UBE2E2: variants seen among roughly 807,000 people sequenced by gnomAD.
UBE2E2 encodes ubiquitin conjugating enzyme E2 E2.
Under a neutral mutation model 24.7 loss-of-function variants are expected in UBE2E2, and 6 were observed. The ratio of observed to expected loss-of-function variants is 0.24; its 90% CI spans 0.13 to 0.48. UBE2E2 has a LOEUF of 0.48. Among genes scored for constraint, UBE2E2 ranks in the 20% least tolerant of loss-of-function variants. The probability of loss-of-function intolerance (pLI) is 0.99; values close to 1 mark genes in which losing one functional copy is unlikely to be tolerated. For missense variants in UBE2E2, 169 were observed against 245.0 expected, an observed-to-expected ratio of 0.69 and a Z score of 2.07; for synonymous variants, 104 against 83.6, an observed-to-expected ratio of 1.24 and a Z score of -1.33.
chr3:23,356,708 T>C (rs1165774247), intron 3 of UBE2E2, among the ~76,000 whole-genome samples: 1 of 152,186 alleles, frequency 6.6e-6, no homozygotes, highest in Non-Finnish European at 1.5e-5. Context: ...CAATTCCAAG[T>C]AGTTTTAGGT....
intron 3 of UBE2E2, among the ~76,000 whole-genome samples, chr3:23,262,803 C>G (rs902422225): frequency 2.0e-5 from 3 of 151,944 alleles, no homozygotes; most frequent in African/African-American, 7.3e-5. Context: ...GTTGCACATG[C>G]TTTTGGTGTC....
intron 3 of UBE2E2, chr3:23,323,583 C>CT (rs1317479826): frequency 4.4e-6 from 2 of 449,880 alleles, no homozygotes; most frequent in Non-Finnish European, 8.9e-6. Context: ...TGGATGCCCA[C>CT]TAGGTAGGTA....
chr3:23,577,778 A>G (rs1277086035), intron 5 of UBE2E2, among the ~76,000 whole-genome samples: 4 of 152,212 alleles, frequency 2.6e-5, no homozygotes, highest in Admixed American at 6.5e-5. Context: ...GCCTGGCTAC[A>G]CAGCTTTAAA....
rs1048307892 is a variant in UBE2E2 at position 23,323,465 on chromosome 3, C to T, written c.227+106153C>T. 4.0e-5 allele frequency: 17 copies of T among 421,682 alleles called. 2 individuals carry two copies. The highest frequency in any genetic ancestry group is 7.9e-5 in the Admixed American group (3 of 38,098). 26.1% of individuals were successfully genotyped at this position (421,682 alleles called of 1,614,324 possible). ...TCAGGTGTAAGTAATACGGGGTGAG[C>T]ATCCCAAATTCGAAAATTCAAAACA... On this transcript the variant is annotated intron_variant, in intron 3 of 5. Transcript: ENST00000396703.
chr3:23,513,049 A>G (rs1054424984), intron 4 of UBE2E2, among the ~76,000 whole-genome samples: 2 of 152,206 alleles, frequency 1.3e-5, no homozygotes, highest in Non-Finnish European at 2.9e-5. Flanking sequence ...TTTAAACTCT[A>G]TCTCTGTGGA....
At chr3:23,458,906 G>A (rs985224041) in intron 3 of UBE2E2, among the ~76,000 whole-genome samples, 8 of 152,088 alleles carry the variant, frequency 5.3e-5, no homozygotes, top group Non-Finnish European at 1.0e-4. Flanking sequence ...AAGAAGCACC[G>A]TAAAACAAAG....
Position 23,288,698 on chromosome 3 carries a change from T to A in UBE2E2, c.227+71386T>A, listed in dbSNP as rs558892043. Among the ~76,000 whole-genome samples, 544 of 152,320 alleles carry A rather than the reference T, an allele frequency of 3.6e-3. 3 individuals are homozygous for A. The highest frequency in any genetic ancestry group is 0.023 in the South Asian group (110 of 4,828). On this transcript the variant is annotated intron_variant, in intron 3 of 5. Transcript: ENST00000396703. ...TCTCTTTATAGTTTTTGTTTTGAAA[T>A]CTATTTTGTCTGTATAGCTGCTCAT...
chr3:23,561,283 T>C (rs1240950785), intron 5 of UBE2E2, among the ~76,000 whole-genome samples: 2 of 152,240 alleles, frequency 1.3e-5, no homozygotes, highest in Non-Finnish European at 1.5e-5. Flanking sequence ...TTCAGCTTTC[T>C]CCATATGGCT....
At chr3:23,498,417 A>C (rs1028192763) in intron 3 of UBE2E2, among the ~76,000 whole-genome samples, 1 of 152,140 alleles carries the variant, frequency 6.6e-6, no homozygotes, top group Non-Finnish European at 1.5e-5. Context: ...AATTTCTTTG[A>C]GCTTCCGAAA....
At chr3:23,517,142 C>T (rs981815054) in intron 4 of UBE2E2, among the ~76,000 whole-genome samples, 1 of 151,870 alleles carries the variant, frequency 6.6e-6, no homozygotes, top group Non-Finnish European at 1.5e-5. Context: ...CGAGACATCC[C>T]AGCTTTTTAA....
At position 23,398,268 on chromosome 3, in the gene UBE2E2, G is replaced by C. The variant is rs552007130; in HGVS notation, c.228-101340G>C. Among the ~76,000 whole-genome samples the C allele has an allele frequency of 1.2e-3, 161 of 133,650 alleles. 1 individual carries two copies. The highest frequency in any genetic ancestry group is 2.0e-3 in the Non-Finnish European group (135 of 65,938). 87.7% of individuals were successfully genotyped at this position (133,650 alleles called of 152,430 possible). On this transcript the variant is annotated intron_variant, in intron 3 of 5. Transcript: ENST00000396703. ...GCAGAGGTTTCAGTGAGCTGAGATG[G>C]CACCACTGCACTCCATTCTGGACAG...
intron 3 of UBE2E2, among the ~76,000 whole-genome samples, chr3:23,450,680 A>T (rs1198111113): frequency 6.6e-6 from 1 of 152,186 alleles, no homozygotes; most frequent in African/African-American, 2.4e-5. Context: ...TGAAGTATCT[A>T]TTTAAATATT....
chr3:23,500,507 C>T (rs1380302573), intron 4 of UBE2E2, among the ~76,000 whole-genome samples: 1 of 152,180 alleles, frequency 6.6e-6, no homozygotes, highest in Non-Finnish European at 1.5e-5. Context: ...AGCATTTGTT[C>T]TCCACTATAG....
intron 3 of UBE2E2, among the ~76,000 whole-genome samples, chr3:23,346,040 G>A (rs891583244): frequency 1.3e-5 from 2 of 152,130 alleles, no homozygotes; most frequent in Non-Finnish European, 2.9e-5. Context: ...TGATTCGTTT[G>A]TTGTTCTACT....
At position 23,453,559 on chromosome 3, in the gene UBE2E2, A is replaced by G. The variant is rs142545026; in HGVS notation, c.228-46049A>G. 4.7e-3 allele frequency among the ~76,000 whole-genome samples: 713 copies of G among 152,304 alleles called. 9 individuals carry two copies. Among genetic ancestry groups the G allele is most frequent in the African/African-American group, 0.016 (681 of 41,570 alleles). On this transcript the variant is annotated intron_variant, in intron 3 of 5. Transcript: ENST00000396703. ...AAAATTGTATGCATCTTTGAAGACT[A>G]GAACTGAGGTGCTTACAACAGTGGT...
intron 3 of UBE2E2, among the ~76,000 whole-genome samples, chr3:23,298,588 G>T (rs961090720): frequency 1.3e-5 from 2 of 151,636 alleles, no homozygotes; most frequent in African/African-American, 4.8e-5. Flanking sequence ...GCTGGATTAC[G>T]TTTATTGATT....
At chr3:23,295,190 G>C (rs896607473) in intron 3 of UBE2E2, among the ~76,000 whole-genome samples, 1 of 152,148 alleles carries the variant, frequency 6.6e-6, no homozygotes, top group Non-Finnish European at 1.5e-5. Flanking sequence ...ACATCTTCAT[G>C]CTAAATTCTA....
intron 5 of UBE2E2, among the ~76,000 whole-genome samples, chr3:23,564,945 G>A (rs569695806): frequency 6.6e-6 from 1 of 152,224 alleles, no homozygotes; most frequent in Admixed American, 6.5e-5. Flanking sequence ...ATATGAGAAG[G>A]GCAAGGAAAA....
chr3:23,291,078 A>AAC (rs1698752968), intron 3 of UBE2E2, among the ~76,000 whole-genome samples: 1 of 146,686 alleles, frequency 6.8e-6, no homozygotes, highest in South Asian at 2.1e-4. Flanking sequence ...TTAAAAAAAA[A>AAC]AAACAAAAAA....
Sources: gnomAD v4.1 joint callset for allele counts (sites outside exome capture counted in the v4.1 genomes callset) on GRCh38, gnomAD v4.1.1 for gene constraint, MANE v1.5 for transcripts, NCBI Gene and HGNC (gene_info 2026-07-23, HGNC 2026-07-21) for gene names.